CSMD1: variants seen among roughly 807,000 people sequenced by gnomAD.
The protein encoded by CSMD1 is CUB and sushi domain-containing protein 1.
CSMD1 carries 213 observed loss-of-function variants against 417.5 expected under a neutral mutation model. The observed-to-expected ratio is 0.51, with a 90% CI of 0.46 to 0.57. The LOEUF (loss-of-function observed/expected upper bound fraction) is 0.57. Ranked by LOEUF, CSMD1 falls within the 20% of genes least tolerant of loss-of-function variation. The probability of loss-of-function intolerance (pLI) is 0.00; values close to 1 mark genes in which losing one functional copy is unlikely to be tolerated. For synonymous variants in CSMD1, 2,862 were observed against 1,736.8 expected (o/e 1.65, Z -16.11); for missense variants, 6,923 against 4,529.7 (o/e 1.53, Z -15.17).
At chr8:3,754,073 C>T in intron 5 of CSMD1, 31 bp from the exon 6 acceptor site, 4 of 1,470,018 alleles carry the variant, frequency 2.7e-6, no homozygotes, top group South Asian at 1.2e-5. Flanking sequence ...AAAAATCTCC[C>T]TTGTAAACCA....
intron 1 of CSMD1, among the ~76,000 whole-genome samples, chr8:4,905,636 G>T (rs1014781795): frequency 1.2e-4 from 18 of 151,488 alleles, no homozygotes; most frequent in Non-Finnish European, 1.3e-4. Flanking sequence ...TGGCTAACAC[G>T]GTGAAACCCC....
intron 5 of CSMD1, among the ~76,000 whole-genome samples, chr8:3,945,314 A>C (rs189929232): frequency 6.6e-6 from 1 of 152,124 alleles, no homozygotes; most frequent in African/African-American, 2.4e-5. Context: ...TAAGAAATTA[A>C]CTTATACTTA....
intron 7 of CSMD1, among the ~76,000 whole-genome samples, chr8:3,634,931 T>A (rs1003011658): frequency 1.3e-5 from 2 of 151,986 alleles, no homozygotes; most frequent in African/African-American, 4.8e-5. Context: ...GGCTACAAAC[T>A]CACACCACAT....
chr8:3,763,005 C>T (rs1461279819), intron 5 of CSMD1, among the ~76,000 whole-genome samples: 1 of 152,170 alleles, frequency 6.6e-6, no homozygotes, highest in Non-Finnish European at 1.5e-5. Flanking sequence ...TTGAACCGGA[C>T]ACTTGGTGAT....
At chr8:4,605,693 G>T (rs1800830537) in intron 2 of CSMD1, among the ~76,000 whole-genome samples, 1 of 152,034 alleles carries the variant, frequency 6.6e-6, no homozygotes, top group Admixed American at 6.6e-5. Context: ...TCTGTCCCTT[G>T]TAGAATGCAT....
intron 1 of CSMD1, among the ~76,000 whole-genome samples, chr8:4,653,101 C>T (rs1407991118): frequency 6.6e-6 from 1 of 152,034 alleles, no homozygotes; most frequent in African/African-American, 2.4e-5. Flanking sequence ...AGACAGAGCT[C>T]CTTGTCTCTT....
chr8:4,376,961 C>G (rs566190038), intron 3 of CSMD1, among the ~76,000 whole-genome samples: 143 of 152,280 alleles, frequency 9.4e-4, no homozygotes, highest in African/African-American at 3.4e-3. Flanking sequence ...CCACTCACCG[C>G]ACAGGTGCTG....
At chr8:4,397,095 C>T (rs1032582325) in intron 3 of CSMD1, among the ~76,000 whole-genome samples, 1 of 152,066 alleles carries the variant, frequency 6.6e-6, no homozygotes, top group Non-Finnish European at 1.5e-5. Flanking sequence ...TCTCTCTTTT[C>T]CCTAAGAAGA....
At chr8:2,983,895 C>T (rs1805634764) in intron 54 of CSMD1, among the ~76,000 whole-genome samples, 1 of 152,084 alleles carries the variant, frequency 6.6e-6, no homozygotes, top group Non-Finnish European at 1.5e-5. Context: ...AAAATCGAAA[C>T]TGTCAGATTA....
intron 54 of CSMD1, among the ~76,000 whole-genome samples, chr8:2,987,765 G>C (rs1342443016): frequency 6.6e-6 from 1 of 152,184 alleles, no homozygotes; most frequent in Non-Finnish European, 1.5e-5. Context: ...GCGCGCATAA[G>C]GGCAGCTTCG....
At chr8:3,159,542 G>A (rs748216592) in intron 38 of CSMD1, among the ~76,000 whole-genome samples, 34 of 152,138 alleles carry the variant, frequency 2.2e-4, no homozygotes, top group Non-Finnish European at 4.4e-4. Flanking sequence ...TGCTTTTCAT[G>A]ACTAATATGT....
intron 1 of CSMD1, among the ~76,000 whole-genome samples, chr8:4,807,868 G>A (rs1392505600): frequency 6.6e-6 from 1 of 152,050 alleles, no homozygotes; most frequent in Admixed American, 6.6e-5. Context: ...ACTAGTAAGA[G>A]GAGGAGTATA....
intron 1 of CSMD1, among the ~76,000 whole-genome samples, chr8:4,743,154 G>A (rs543046610): frequency 6.6e-6 from 1 of 152,182 alleles, no homozygotes; most frequent in South Asian, 2.1e-4. Context: ...TAACAGAGGA[G>A]ATCACATTCT....
At chr8:4,138,643 G>A (rs2131007225) in intron 3 of CSMD1, among the ~76,000 whole-genome samples, 1 of 151,736 alleles carries the variant, frequency 6.6e-6, no homozygotes, top group East Asian at 1.9e-4. Flanking sequence ...CATCTCTTAA[G>A]GTTGACTTTT....
At chr8:4,108,846 C>A (rs552940908) in intron 3 of CSMD1, among the ~76,000 whole-genome samples, 1 of 152,286 alleles carries the variant, frequency 6.6e-6, no homozygotes, top group East Asian at 1.9e-4. Context: ...CATATGCATG[C>A]ACAACATCAG....
chr8:4,199,012 C>A (rs1006606605), intron 3 of CSMD1, among the ~76,000 whole-genome samples: 3 of 151,946 alleles, frequency 2.0e-5, no homozygotes, highest in Admixed American at 6.6e-5. Context: ...GAGCAAAGTT[C>A]ACTTTCAATC....
At chr8:4,612,674 C>G (rs991784597) in intron 2 of CSMD1, among the ~76,000 whole-genome samples, 7 of 152,248 alleles carry the variant, frequency 4.6e-5, no homozygotes, top group Non-Finnish European at 7.4e-5. Context: ...AACTGCCACC[C>G]AAACCTCACG....
intron 1 of CSMD1, among the ~76,000 whole-genome samples, chr8:4,947,906 T>C (rs1309820159): frequency 2.0e-5 from 3 of 152,146 alleles, no homozygotes; most frequent in Non-Finnish European, 4.4e-5. Context: ...CATTCTCCTG[T>C]AAGACATTCG....
chr8:4,180,035 C>G (rs1344271066), intron 3 of CSMD1, among the ~76,000 whole-genome samples: 1 of 152,174 alleles, frequency 6.6e-6, no homozygotes. Context: ...CCTCAAGGAC[C>G]TAGAACTGGA....
Sources: allele counts gnomAD v4.1 joint callset (sites outside exome capture counted in the v4.1 genomes callset), GRCh38; gene constraint gnomAD v4.1.1; transcripts MANE v1.5; gene names NCBI Gene and HGNC (gene_info 2026-07-23, HGNC 2026-07-21).